USP50: variants seen among roughly 807,000 people sequenced by gnomAD.
USP50 encodes the protein ubiquitin specific peptidase 50.
A neutral mutation model predicts 39.2 loss-of-function variants in USP50; 37 were observed. That is an observed-to-expected ratio of 0.94 (90% CI 0.73 to 1.24). The LOEUF is 1.24. Ranked by LOEUF, USP50 falls within the 50% of genes most tolerant of loss-of-function variation. The pLI, the probability that USP50 is intolerant of heterozygous loss-of-function variation, is 0.00. For synonymous variants in USP50, 139 were observed against 144.5 expected (o/e 0.96, Z 0.27); for missense variants, 374 against 398.2 (o/e 0.94, Z 0.52).
chr15:50,523,216 TC>T (rs1293500989), intron 6 of USP50, among the ~76,000 whole-genome samples: 2 of 136,780 alleles, frequency 1.5e-5, no homozygotes, highest in African/African-American at 5.5e-5. Context: ...TCTTGCTCTG[TC>T]ACCCAGGCTG....
chr15:50,526,518 C>G (rs1266563379), intron 6 of USP50, among the ~76,000 whole-genome samples: 1 of 152,132 alleles, frequency 6.6e-6, no homozygotes, highest in Non-Finnish European at 1.5e-5. Flanking sequence ...ATATGGTTGC[C>G]ATTTCCAAAT....
chr15:50,531,124 G>A (rs1051208498), intron 5 of USP50, among the ~76,000 whole-genome samples: 3 of 151,962 alleles, frequency 2.0e-5, no homozygotes, highest in African/African-American at 4.8e-5. Flanking sequence ...GGAAATTACC[G>A]CGACTGAGAC....
intron 6 of USP50, chr15:50,511,987 T>TA (rs2052744491): frequency 6.6e-6 from 1 of 151,010 alleles, no homozygotes; most frequent in Non-Finnish European, 1.5e-5. Context: ...AAGAGTGAGA[T>TA]ATTGTCTCAA....
chr15:50,543,749 T>C lies in USP50; in HGVS notation c.293A>G (p.Asp98Gly). ...VATAFAYLMT[D>G]MWLGDSDCVS... ...ACAGTCTGAGTCTCCCAGCCACATG[T>C]CTGTCATCAGATAGGCAAAAGCAGT... The change falls in exon 3 of 7, where the codon GAC becomes GGC. Residue 98 changes from aspartate (D) to glycine (G), a missense_variant. Asp to Gly is a moderately conservative substitution (Grantham distance 94). Transcript: ENST00000532404. 6.2e-7 allele frequency: 1 copy of C among 1,610,440 alleles called. No homozygotes were observed. Among genetic ancestry groups the C allele is most frequent in the East Asian group, 2.2e-5 (1 of 44,848 alleles).
chr15:50,522,935 A>G (rs1596012576), intron 6 of USP50, among the ~76,000 whole-genome samples: 1 of 152,232 alleles, frequency 6.6e-6, no homozygotes, highest in East Asian at 1.9e-4. Context: ...GGAATGAGCC[A>G]CCACATCCAG....
chr15:50,537,730 G>A (rs958365162), intron 5 of USP50, among the ~76,000 whole-genome samples: 3 of 150,668 alleles, frequency 2.0e-5, no homozygotes, highest in African/African-American at 4.9e-5. Flanking sequence ...CGTGGTGGCG[G>A]GTGCCTGTAG....
chr15:50,519,716 T>TA (rs36075468), intron 6 of USP50, among the ~76,000 whole-genome samples: 12,042 of 142,012 alleles, frequency 0.085, 542 homozygotes, highest in South Asian at 0.15. Context: ...CTCCGTCTCT[T>TA]AAAAAAAAAA....
In USP50 at chr15:50,500,592, ACT is replaced by A; in HGVS notation, c.*175_*176del. 1.8e-6 allele frequency: 1 copy of A among 564,910 alleles called. No homozygotes were observed. The highest frequency in any genetic ancestry group is 3.1e-6 in the Non-Finnish European group (1 of 318,084). The allele number at this position is 564,910 out of a possible 1,614,324, so 35.0% of individuals were successfully genotyped here. On this transcript the variant is annotated 3_prime_UTR_variant, in exon 7 of 7. Transcript: ENST00000532404. ...TCTAAGAGTTTAATGACCAAGCAAA[ACT>A]CTACCACCAGATGCTGACTGCTTGT...
chr15:50,522,551 A>G (rs1239935463), intron 6 of USP50, among the ~76,000 whole-genome samples: 2 of 152,210 alleles, frequency 1.3e-5, no homozygotes, highest in South Asian at 2.1e-4. Context: ...CCCTGATACT[A>G]AAGCCAGACA....
rs374060323 is a variant in USP50, at chr15:50,541,765, T to C, written c.445-501A>G. ...AGCTACCAGCCTTGGGAGCTAGTTT[T>C]TTCTGGAAGGGGGTAAGTAAGCTAA... On this transcript the variant is annotated intron_variant, in intron 3 of 6. Coordinates refer to ENST00000532404, the MANE Select transcript of USP50 (RefSeq NM_203494.5). Among the ~76,000 whole-genome samples the C allele has an allele frequency of 3.9e-5, 6 of 152,158 alleles. No individual in the cohort carries two copies. In the South Asian group the frequency reaches 1.0e-3, roughly 26 times the overall value.
At chr15:50,499,352 G>C, downstream of USP50, 1 of 293,966 alleles carries the variant, frequency 3.4e-6, no homozygotes, top group Non-Finnish European at 6.2e-6. Flanking sequence ...AACTAGCTAA[G>C]CATTATTATT....
intron 6 of USP50, among the ~76,000 whole-genome samples, chr15:50,527,227 C>T (rs1204244728): frequency 4.6e-5 from 7 of 152,090 alleles, no homozygotes; most frequent in Non-Finnish European, 4.4e-5. Flanking sequence ...TTTTCTGAGA[C>T]GGAGTCTCGT....
rs11638533 is a variant in USP50, at chr15:50,525,701, A to G, written c.936+4096T>C. 1.3e-4 allele frequency among the ~76,000 whole-genome samples: 14 copies of G among 104,978 alleles called. No homozygotes were observed. In the South Asian group the frequency reaches 1.4e-3, roughly 11 times the overall value. The allele number at this position is 104,978 out of a possible 152,430, so 68.9% of individuals were successfully genotyped here. A position where few individuals can be genotyped will look rare whatever the true frequency, so the allele number is the denominator to read the frequency against. On this transcript the variant is annotated intron_variant, in intron 6 of 6. Coordinates refer to ENST00000532404, the MANE Select transcript of USP50 (RefSeq NM_203494.5). ...ATGTATATTATATATGTATATGTAT[A>G]TATATGTATATATGTATATGTATAT... is the stretch of plus-strand genomic sequence containing the variant.
chr15:50,539,424 AT>A (rs11336805), intron 4 of USP50, among the ~76,000 whole-genome samples: 53,054 of 126,848 alleles, frequency 0.42, 9,844 homozygotes, highest in Middle Eastern at 0.55. Context: ...TGATTTTGCA[AT>A]TTTTTTTTTT....
At chr15:50,503,500 A>G (rs539540717) in intron 6 of USP50, 7 of 152,346 alleles carry the variant, frequency 4.6e-5, no homozygotes, top group Admixed American at 1.3e-4. Context: ...TTGGATTGAG[A>G]TCCACATACA....
intron 1 of USP50, among the ~76,000 whole-genome samples, chr15:50,495,493 G>GGGGT (rs1555392715): frequency 4.4e-4 from 58 of 131,006 alleles, no homozygotes; most frequent in African/African-American, 1.8e-3. Flanking sequence ...TGGAGGGGGG[G>GGGGT]GTCTCACTAT....
At chr15:50,500,916 A>C (rs1020422639) in intron 6 of USP50, 79 bp from the exon 7 acceptor site, 41 of 1,188,582 alleles carry the variant, frequency 3.4e-5, no homozygotes, top group Non-Finnish European at 2.2e-5. Flanking sequence ...GGGCCAAGAG[A>C]TGCTTTTTAA....
In USP50 at chr15:50,528,490, G is replaced by A. The variant is rs1231865199; in HGVS notation, c.936+1307C>T. On this transcript the variant is annotated intron_variant, in intron 6 of 6. Transcript: ENST00000532404. ...ATTCAATTCAGATTTTTGTCATTTG[G>A]ATTTTCTTAAAGCAGAAACATCTAT... Among the ~76,000 whole-genome samples, 5 of 152,108 alleles carry A rather than the reference G, an allele frequency of 3.3e-5. No homozygotes were observed. The East Asian group carries it at 7.7e-4, about 23-fold the overall frequency.
intron 6 of USP50, among the ~76,000 whole-genome samples, chr15:50,517,331 G>C (rs1157447869): frequency 6.6e-6 from 1 of 152,062 alleles, no homozygotes; most frequent in African/African-American, 2.4e-5. Context: ...AATTAGCCAG[G>C]TGTGTTGGTG....
Sources: allele counts gnomAD v4.1 joint callset (sites outside exome capture counted in the v4.1 genomes callset), GRCh38; gene constraint gnomAD v4.1.1; transcripts MANE v1.5; gene names NCBI Gene and HGNC (gene_info 2026-07-23, HGNC 2026-07-21).